Variants in XK observed in about 807,000 individuals in gnomAD.
XK encodes the protein endoplasmic reticulum membrane adapter protein XK.
Under a neutral mutation model 14.0 loss-of-function variants are expected in XK, and 2 were observed. The observed-to-expected ratio is 0.14, with a 90% confidence interval of 0.06 to 0.45. The LOEUF is 0.45. Ranked by LOEUF, XK falls within the 20% of genes least tolerant of loss-of-function variation. XK has a pLI of 0.98. For synonymous variants in XK, 149 were observed against 147.5 expected, an observed-to-expected ratio of 1.01 and a Z score of -0.08; for missense variants, 235 against 341.5, an observed-to-expected ratio of 0.69 and a Z score of 2.46.
At chrX:37,715,093 CGT>C (rs782283598) in intron 2 of XK, among the ~76,000 whole-genome samples, 57 of 105,991 alleles carry the variant, frequency 5.4e-4, no homozygotes, top group South Asian at 1.6e-3. Flanking sequence ...TACATGTATA[CGT>C]GTGTGTGTGT....
intron 2 of XK, among the ~76,000 whole-genome samples, chrX:37,698,959 G>A (rs1289859445): frequency 8.9e-6 from 1 of 112,268 alleles, no homozygotes; most frequent in Non-Finnish European, 1.9e-5. Context: ...TCAGGAAAGA[G>A]CATCCCAGGA....
At chrX:37,686,989 T>G (rs1927089868) in intron 1 of XK, among the ~76,000 whole-genome samples, 1 of 111,743 alleles carries the variant, frequency 8.9e-6, no homozygotes, top group Non-Finnish European at 1.9e-5. Flanking sequence ...AATGTGTTGT[T>G]TTAGTACCTT....
chrX:37,704,196 T>G (rs1167516923), intron 2 of XK, among the ~76,000 whole-genome samples: 1 of 111,257 alleles, frequency 9.0e-6, no homozygotes, highest in Non-Finnish European at 1.9e-5. Flanking sequence ...CTCCCTCCTG[T>G]AGCTGATTGT....
At chrX:37,692,871 G>GA (rs1341228227) in intron 1 of XK, among the ~76,000 whole-genome samples, 1 of 111,447 alleles carries the variant, frequency 9.0e-6, no homozygotes, top group African/African-American at 3.3e-5. Flanking sequence ...ATTTCCAACT[G>GA]AAAAAACTGG....
rs1556440098 is a variant in XK at position 37,685,986 on chromosome X, G to A, written c.25G>A (p.Ala9Thr). The change falls in exon 1 of 3, where the codon GCG (alanine) becomes ACG (threonine). Residue 9 changes from alanine to threonine, a missense_variant. Coordinates refer to ENST00000378616, the MANE Select transcript of XK (RefSeq NM_021083.4). MKFPASVL[A>T]SVFLFVAETT... ...GATGAAATTCCCGGCCTCGGTGCTG[G>A]CGTCCGTGTTCCTGTTCGTGGCCGA... 3 of 1,207,622 alleles carry A rather than the reference G, an allele frequency of 2.5e-6. No individual in the cohort carries two copies. The highest frequency in any genetic ancestry group is 3.0e-5 in the East Asian group (1 of 33,776).
At chrX:37,708,179 A>C (rs1010820939) in intron 2 of XK, among the ~76,000 whole-genome samples, 9 of 112,086 alleles carry the variant, frequency 8.0e-5, no homozygotes, top group Non-Finnish European at 1.5e-4. Flanking sequence ...TCGGCTCGGC[A>C]TCAGAGGGAG....
At chrX:37,709,231 G>A (rs1158068781) in intron 2 of XK, among the ~76,000 whole-genome samples, 2 of 111,492 alleles carry the variant, frequency 1.8e-5, no homozygotes, top group Non-Finnish European at 3.8e-5. Flanking sequence ...AAATTTTTCA[G>A]TATTCTATCT....
intron 2 of XK, among the ~76,000 whole-genome samples, chrX:37,710,799 G>A (rs2146824917): frequency 8.9e-6 from 1 of 112,355 alleles, no homozygotes; most frequent in African/African-American, 3.2e-5. Context: ...GTATGTATCG[G>A]TGACTTGTCA....
At position 37,705,207 on chromosome X, in the gene XK, G is replaced by A. The variant is rs202187924; in HGVS notation, c.508+10659G>A. On this transcript the variant is annotated intron_variant, in intron 2 of 2. Coordinates refer to ENST00000378616, the MANE Select transcript of XK (RefSeq NM_021083.4). ...ACGCCTGTAATCCCAGCACTTTGGGGGGCCAAGGCGGGCGGATCACGAGGT... is the reference window on the plus strand; with the variant it reads ...ACGCCTGTAATCCCAGCACTTTGGGAGGCCAAGGCGGGCGGATCACGAGGT... Among the ~76,000 whole-genome samples, 78 of 109,265 alleles carry A rather than the reference G, an allele frequency of 7.1e-4. No homozygotes were observed. In the East Asian group the frequency reaches 0.012, roughly 16 times the overall value. The allele number at this position is 109,265 out of a possible 115,157, so 94.9% of individuals were successfully genotyped here. A position where few individuals can be genotyped will look rare whatever the true frequency, so the allele number is the denominator to read the frequency against.
chrX:37,723,694 A>G (rs1413308854), intron 2 of XK, among the ~76,000 whole-genome samples: 8 of 111,449 alleles, frequency 7.2e-5, no homozygotes, highest in Non-Finnish European at 1.5e-4. Flanking sequence ...TTAAAATACC[A>G]TAAATATAAC....
chrX:37,727,513 G>A lies in XK; in HGVS notation c.509-123G>A, dbSNP rs1556450251. 6.6e-6 allele frequency: 4 copies of A among 603,105 alleles called. No homozygotes were observed. The African/African-American group carries it at 6.7e-5, about 10-fold the overall frequency. 49.7% of individuals were successfully genotyped at this position (603,105 alleles called of 1,213,427 possible). A position where few individuals can be genotyped will look rare whatever the true frequency, so the allele number is the denominator to read the frequency against. ...AGTGGGCAGATGCTAACAACTGGAAGTCAGGCTGTGCACATAAAACAGAAG... is the reference window on the plus strand; with the variant it reads ...AGTGGGCAGATGCTAACAACTGGAAATCAGGCTGTGCACATAAAACAGAAG... On this transcript the variant is annotated intron_variant, in intron 2 of 2. Coordinates refer to ENST00000378616, the MANE Select transcript of XK (RefSeq NM_021083.4).
rs371621478 is a variant in XK, at chrX:37,728,348, G to T, written c.1221G>T (p.Pro407=). The T allele has an allele frequency of 1.7e-6, 2 of 1,208,549 alleles. No homozygotes were observed. The highest frequency in any genetic ancestry group is 2.2e-6 in the Non-Finnish European group (2 of 894,958). The change falls in exon 3 of 3, where the codon CCG becomes CCT. Residue 407 remains proline, a synonymous_variant. Transcript: ENST00000378616. ...WACRQQKPCE[P]IGKEDLQSSR... ...GCAGGCAGCAAAAACCCTGTGAGCC[G>T]ATAGGAAAGGAAGATCTACAGTCAT...
chrX:37,692,360 G>A (rs1927218920), intron 1 of XK, among the ~76,000 whole-genome samples: 2 of 111,253 alleles, frequency 1.8e-5, no homozygotes, highest in African/African-American at 6.5e-5. Flanking sequence ...AACCACACCC[G>A]CATTCATCTC....
At chrX:37,707,453 G>A (rs1927558290) in intron 2 of XK, among the ~76,000 whole-genome samples, 1 of 108,757 alleles carries the variant, frequency 9.2e-6, no homozygotes, top group African/African-American at 3.4e-5. Flanking sequence ...CTCAGACGGG[G>A]CGGCTGCCGG....
rs1339155581 is a variant in XK, at chrX:37,728,636, A to G, written c.*174A>G. The G allele has an allele frequency of 7.7e-6, 4 of 517,314 alleles. No homozygotes were observed. The African/African-American group carries it at 9.4e-5, about 12-fold the overall frequency. 42.6% of individuals were successfully genotyped at this position (517,314 alleles called of 1,213,427 possible). On this transcript the variant is annotated 3_prime_UTR_variant, in exon 3 of 3. Transcript: ENST00000378616. Reference sequence around the variant, plus strand: ...ATGTAGAACTGTATGGGAAGAAGCCAGGAAAACCTCTGAGTGTTGAAGGGG... The same window carrying G: ...ATGTAGAACTGTATGGGAAGAAGCCGGGAAAACCTCTGAGTGTTGAAGGGG...
chrX:37,719,997 A>G (rs1433190425), intron 2 of XK, among the ~76,000 whole-genome samples: 1 of 110,809 alleles, frequency 9.0e-6, no homozygotes, highest in South Asian at 3.7e-4. Flanking sequence ...GATGGTTGAA[A>G]TCTATATCAA....
rs781804444 is a variant in XK at position 37,695,248 on chromosome X, CTCTG to C, written c.508+704_508+707del. Among the ~76,000 whole-genome samples, 4 of 112,253 alleles carry C rather than the reference CTCTG, an allele frequency of 3.6e-5. No homozygotes were observed. In the South Asian group the frequency reaches 1.1e-3, roughly 31 times the overall value. On this transcript the variant is annotated intron_variant, in intron 2 of 2. Coordinates refer to ENST00000378616, the MANE Select transcript of XK (RefSeq NM_021083.4). ...GGAGGCTGCTTCTCTTGGGATTTCACTCTGTCTTTCAGTGCTAGTTCTAAACTAG... is the reference window on the plus strand; with the variant it reads ...GGAGGCTGCTTCTCTTGGGATTTCACTCTTTCAGTGCTAGTTCTAAACTAG...
At chrX:37,722,025 G>A (rs782293778) in intron 2 of XK, among the ~76,000 whole-genome samples, 11 of 111,367 alleles carry the variant, frequency 9.9e-5, no homozygotes, top group Non-Finnish European at 1.7e-4. Context: ...TGTATCAGTG[G>A]TTTCTTAGGA....
chrX:37,688,190 A>G (rs1210165326), intron 1 of XK, among the ~76,000 whole-genome samples: 2 of 106,670 alleles, frequency 1.9e-5, no homozygotes, highest in African/African-American at 3.4e-5. Context: ...CCTCCTGAGT[A>G]GCTGGGACTA....
Sources: gnomAD v4.1 joint callset for allele counts (sites outside exome capture counted in the v4.1 genomes callset) on GRCh38, gnomAD v4.1.1 for gene constraint, MANE v1.5 for transcripts, NCBI Gene and HGNC (gene_info 2026-07-23, HGNC 2026-07-21) for gene names.